Variants in KIAA0232 observed in about 807,000 individuals in gnomAD.
The protein encoded by KIAA0232 is KIAA0232.
In KIAA0232, 27 loss-of-function variants were observed where a neutral mutation model predicts 122.0. That is an observed-to-expected ratio of 0.22 (90% CI 0.16 to 0.31). The LOEUF (loss-of-function observed/expected upper bound fraction) is 0.31. Among genes scored for constraint, KIAA0232 ranks in the 10% least tolerant of loss-of-function variants. The pLI is 1.00. For missense variants in KIAA0232, 1,551 were observed against 1,634.2 expected (o/e 0.95, Z 0.88); for synonymous variants, 613 against 587.6 (o/e 1.04, Z -0.63).
intron 2 of KIAA0232, among the ~76,000 whole-genome samples, chr4:6,816,038 C>T (rs537325071): frequency 2.6e-5 from 4 of 152,294 alleles, no homozygotes; most frequent in African/African-American, 4.8e-5. Flanking sequence ...AACAATATAT[C>T]AGTCTTTACA....
At chr4:6,801,500 G>A (rs191757408) in intron 1 of KIAA0232, among the ~76,000 whole-genome samples, 1 of 151,782 alleles carries the variant, frequency 6.6e-6, no homozygotes, top group African/African-American at 2.4e-5. Flanking sequence ...ACCAGCCTGA[G>A]CAATGTAGTG....
intron 3 of KIAA0232, among the ~76,000 whole-genome samples, chr4:6,825,761 CTT>C (rs1560176664): frequency 6.6e-6 from 1 of 152,076 alleles, no homozygotes; most frequent in African/African-American, 2.4e-5. Flanking sequence ...CACATAAAAT[CTT>C]TTGGTTTTTA....
chr4:6,858,387 T>C, intron 5 of KIAA0232, 38 bp from the exon 6 acceptor site: 1 of 1,258,196 alleles, frequency 7.9e-7, no homozygotes, highest in Non-Finnish European at 1.1e-6. Context: ...ATTAACTAGA[T>C]ATAAGACAAA....
intron 3 of KIAA0232, among the ~76,000 whole-genome samples, chr4:6,836,637 G>A (rs1577384818): frequency 6.6e-6 from 1 of 150,864 alleles, no homozygotes. Flanking sequence ...TGGAGGGAAG[G>A]TCAGCAGATA....
rs1469040195 is a variant in KIAA0232 at position 6,882,054 on chromosome 4, C to T, written c.*1088C>T. 1 of 152,618 alleles carries T rather than the reference C, an allele frequency of 6.6e-6. No homozygotes were observed. Among genetic ancestry groups the T allele is most frequent in the Non-Finnish European group, 1.5e-5 (1 of 68,036 alleles). 9.5% of individuals were successfully genotyped at this position (152,618 alleles called of 1,614,324 possible). ...TGTGTGGTGGTTTTGCTGACTGTCG[C>T]TCCGTGGGACTGGCTCCCGTTTCTC... On this transcript the variant is annotated 3_prime_UTR_variant, in exon 10 of 10. Coordinates refer to ENST00000307659, the MANE Select transcript of KIAA0232 (RefSeq NM_014743.3).
Position 6,824,486 on chromosome 4 carries a change from T to C in KIAA0232, c.33T>C (p.Gly11=). ...CTATCTGTACAGTTGTTGTGGATGG[T>C]TTGCCATCTGAAAGCTCCTCAAGTT... The part of the protein sequence containing the change: MYPICTVVVD[G]LPSESSSSSY... The change falls in exon 3 of 10, where the codon GGT becomes GGC. Residue 11 remains glycine (G), a synonymous_variant. Transcript: ENST00000307659. 1 of 1,613,750 alleles carries C rather than the reference T, an allele frequency of 6.2e-7. No individual in the cohort carries two copies.
intron 1 of KIAA0232, among the ~76,000 whole-genome samples, chr4:6,797,459 G>A (rs1717179678): frequency 6.6e-6 from 1 of 152,124 alleles, no homozygotes. Flanking sequence ...AAAAGACTTC[G>A]CTTTAACCCT....
At chr4:6,832,648 C>T (rs534860188) in intron 3 of KIAA0232, among the ~76,000 whole-genome samples, 75 of 152,294 alleles carry the variant, frequency 4.9e-4, no homozygotes, top group African/African-American at 1.7e-3. Context: ...CACGCCCAGC[C>T]AGAGTTGGGG....
chr4:6,783,697 G>C (rs958405252), intron 1 of KIAA0232, among the ~76,000 whole-genome samples: 4 of 150,484 alleles, frequency 2.7e-5, no homozygotes, highest in African/African-American at 9.7e-5. Flanking sequence ...GCGCGGCGCG[G>C]GGGGCGGGCC....
chr4:6,858,722 A>G (rs1387465293), intron 6 of KIAA0232, among the ~76,000 whole-genome samples: 2 of 152,254 alleles, frequency 1.3e-5, no homozygotes, highest in Non-Finnish European at 2.9e-5. Flanking sequence ...TTGTGGAACA[A>G]ATGAGTGAAA....
rs141523072 is a variant in KIAA0232, at chr4:6,810,402, C to G, written c.-270+5796C>G. On this transcript the variant is annotated intron_variant, in intron 2 of 9. Transcript: ENST00000307659. ...CATAAGAATGAAATTGGACCCCAGT[C>G]TCTCACCATATACAAAAAATCAACT... 7.8e-3 allele frequency among the ~76,000 whole-genome samples: 1,188 copies of G among 152,256 alleles called. 15 individuals are homozygous for G. The highest frequency in any genetic ancestry group is 0.027 in the African/African-American group (1,136 of 41,558).
intron 7 of KIAA0232, among the ~76,000 whole-genome samples, chr4:6,868,802 A>T (rs2108821214): frequency 6.6e-6 from 1 of 152,362 alleles, no homozygotes; most frequent in South Asian, 2.1e-4. Context: ...AACAAGATGC[A>T]TATTCCTTGA....
intron 1 of KIAA0232, among the ~76,000 whole-genome samples, chr4:6,789,165 G>A (rs1716767813): frequency 6.6e-6 from 1 of 151,802 alleles, no homozygotes; most frequent in African/African-American, 2.4e-5. Context: ...TAGAGACTGG[G>A]TTTCACCGTG....
intron 3 of KIAA0232, among the ~76,000 whole-genome samples, chr4:6,826,502 A>ATT (rs1190007392): frequency 8.3e-5 from 11 of 132,520 alleles, no homozygotes; most frequent in Non-Finnish European, 1.2e-4. Context: ...ATAGGGAATG[A>ATT]TTTTTTTTTT....
intron 1 of KIAA0232, among the ~76,000 whole-genome samples, chr4:6,800,579 G>A (rs995312276): frequency 4.0e-5 from 6 of 151,798 alleles, no homozygotes; most frequent in Non-Finnish European, 7.4e-5. Flanking sequence ...TACGCAGGAG[G>A]CTGATGCAGG....
At chr4:6,833,030 C>A (rs1719073744) in intron 3 of KIAA0232, among the ~76,000 whole-genome samples, 1 of 152,206 alleles carries the variant, frequency 6.6e-6, no homozygotes, top group Admixed American at 6.5e-5. Flanking sequence ...ATTCAACAGA[C>A]CTTATTTGCT....
chr4:6,820,125 G>T (rs1718351844), intron 2 of KIAA0232, among the ~76,000 whole-genome samples: 1 of 152,112 alleles, frequency 6.6e-6, no homozygotes, highest in Admixed American at 6.5e-5. Context: ...GGCAGTAGGT[G>T]TTGAAAAAAC....
At position 6,874,235 on chromosome 4, in the gene KIAA0232, G is replaced by T. The variant is rs938942534; in HGVS notation, c.3911-2425G>T. Among the ~76,000 whole-genome samples, 4 of 152,322 alleles carry T rather than the reference G, an allele frequency of 2.6e-5. No individual in the cohort carries two copies. The South Asian group carries it at 8.3e-4, about 32-fold the overall frequency. On this transcript the variant is annotated intron_variant, in intron 8 of 9. Transcript: ENST00000307659. The stretch of plus-strand genomic sequence containing the variant: ...TTGGGAATGCATAGGCAAACAGATC[G>T]TGTCCCTGTCCTCCCCCTGCTCAGG...
chr4:6,859,489 CTATA>C (rs551552708), intron 6 of KIAA0232, among the ~76,000 whole-genome samples: 26 of 151,918 alleles, frequency 1.7e-4, no homozygotes, highest in African/African-American at 6.0e-4. Flanking sequence ...ATTTCAAAGA[CTATA>C]TATAAAAAAA....
Sources: allele counts gnomAD v4.1 joint callset (sites outside exome capture counted in the v4.1 genomes callset), GRCh38; gene constraint gnomAD v4.1.1; transcripts MANE v1.5; gene names NCBI Gene and HGNC (gene_info 2026-07-23, HGNC 2026-07-21).